Variants in LRP5 observed in about 807,000 individuals in gnomAD.
LRP5 encodes the protein low-density lipoprotein receptor-related protein 5.
Under a neutral mutation model 154.1 loss-of-function variants are expected in LRP5, and 62 were observed. That is an observed-to-expected ratio of 0.40 (90% CI 0.33 to 0.50). The LOEUF (loss-of-function observed/expected upper bound fraction) is 0.50, where lower values mean the gene tolerates loss of function less well. Ranked by LOEUF, LRP5 falls within the 20% of genes least tolerant of loss-of-function variation. The pLI is 0.55. For missense variants in LRP5, 1,915 were observed against 2,336.7 expected (o/e 0.82, Z 3.72); for synonymous variants, 966 against 1,011.5 (o/e 0.96, Z 0.85).
intron 13 of LRP5, among the ~76,000 whole-genome samples, chr11:68,422,851 A>C (rs1251993825): frequency 1.1e-3 from 34 of 29,776 alleles, no homozygotes; most frequent in Non-Finnish European, 1.2e-3. Flanking sequence ...CACCTCCCCC[A>C]CTCACCCGCC....
At chr11:68,363,647 A>T in intron 3 of LRP5, 100 bp from the exon 4 acceptor site, 519 of 771,330 alleles carry the variant, frequency 6.7e-4, no homozygotes, top group Non-Finnish European at 1.0e-3. Flanking sequence ...ACAGACCGAG[A>T]CTCCATCTCA....
the LRP5 span, among the ~76,000 whole-genome samples, chr11:68,304,352 G>C: frequency 3.3e-5 from 5 of 152,390 alleles, no homozygotes; most frequent in South Asian, 1.0e-3. Flanking sequence ...GGTGTGCAGA[G>C]TGCAAGAGTG....
intron 1 of LRP5, among the ~76,000 whole-genome samples, chr11:68,341,059 C>CTTGTTTTTTTTTTTTTTTTTT (rs2098608753): frequency 1.2e-5 from 1 of 83,494 alleles, no homozygotes; most frequent in African/African-American, 4.8e-5. Flanking sequence ...GGAGATTGTT[C>CTTGTTTTTTTTTTTTTTTTTT]TTTTTTTTTT....
At chr11:68,369,221 C>G (rs758986279) in intron 5 of LRP5, among the ~76,000 whole-genome samples, 1 of 152,092 alleles carries the variant, frequency 6.6e-6, no homozygotes, top group Non-Finnish European at 1.5e-5. Context: ...GTGTTTTTGC[C>G]ATTTCTGAGT....
At chr11:68,366,350 C>T (rs73513047) in intron 5 of LRP5, among the ~76,000 whole-genome samples, 3,711 of 152,054 alleles carry the variant, frequency 0.024, 144 homozygotes, top group African/African-American at 0.084. Context: ...GGCTTCCACA[C>T]TCAGGAACAG....
Position 68,413,984 on chromosome 11 carries a change from C to G in LRP5, c.2799C>G (p.Thr933=). The G allele has an allele frequency of 6.2e-7, 1 of 1,605,662 alleles. No homozygotes were observed. The highest frequency in any genetic ancestry group is 8.5e-7 in the Non-Finnish European group (1 of 1,179,880). ...GCTGCGGCTGCGCCTCACACTACAC[C>G]CTGGACCCCAGCAGCCGCAACTGCA... ...GHRCGCASHY[T]LDPSSRNCSP... The change falls in exon 12 of 23, where the codon ACC becomes ACG. Residue 933 remains threonine, a synonymous_variant. Coordinates refer to ENST00000294304, the MANE Select transcript of LRP5 (RefSeq NM_002335.4). The surrounding 1 kb of genome is among the most constrained non-coding windows in gnomAD (Gnocchi z 5.1).
chr11:68,372,428 C>T lies in LRP5; in HGVS notation c.1015+6726C>T, dbSNP rs1438740576. Among the ~76,000 whole-genome samples the T allele has an allele frequency of 2.2e-4, 31 of 140,600 alleles. No individual in the cohort carries two copies. The South Asian group carries it at 4.4e-3, about 20-fold the overall frequency. The allele number at this position is 140,600 out of a possible 152,430, so 92.2% of individuals were successfully genotyped here. ...GTGTCAGGCAGACCCGGGACCGTGG[C>T]GGCGAGGAGGTGCAGCGTCAGGCGG... On this transcript the variant is annotated intron_variant, in intron 5 of 22. Transcript: ENST00000294304.
chr11:68,383,017 A>G (rs1356647086), intron 5 of LRP5, among the ~76,000 whole-genome samples: 2 of 151,920 alleles, frequency 1.3e-5, no homozygotes, highest in Non-Finnish European at 2.9e-5. Flanking sequence ...AGCTGGAATT[A>G]CAGGAGTGCG....
At chr11:68,376,838 A>G (rs2098637625) in intron 5 of LRP5, among the ~76,000 whole-genome samples, 1 of 152,172 alleles carries the variant, frequency 6.6e-6, no homozygotes, top group South Asian at 2.1e-4. Context: ...TAAGTCACCA[A>G]CTGTTTTATA....
chr11:68,411,152 C>T, intron 10 of LRP5, among the ~76,000 whole-genome samples: 1 of 152,188 alleles, frequency 6.6e-6, no homozygotes, highest in Admixed American at 6.5e-5. Flanking sequence ...AGCACACACT[C>T]ACCCTGTCTG....
intron 5 of LRP5, among the ~76,000 whole-genome samples, chr11:68,379,951 G>T (rs1460137893): frequency 1.3e-5 from 2 of 152,354 alleles, no homozygotes; most frequent in Admixed American, 1.3e-4. Flanking sequence ...GGCCAACATG[G>T]TGAAACCCCG....
At chr11:68,426,423 CTT>C (rs58093101) in intron 16 of LRP5, among the ~76,000 whole-genome samples, 37 of 130,356 alleles carry the variant, frequency 2.8e-4, no homozygotes, top group East Asian at 4.4e-4. Context: ...AACACCAACT[CTT>C]TTTTTTTTTT....
intron 11 of LRP5, chr11:68,412,992 G>A (rs993735865): frequency 1.3e-4 from 24 of 178,876 alleles, no homozygotes; most frequent in Admixed American, 4.3e-4. Context: ...GTTGAACCCC[G>A]TGTCCTGGTT....
intron 1 of LRP5, among the ~76,000 whole-genome samples, chr11:68,320,554 C>CGGA (rs560582354): frequency 5.5e-4 from 84 of 151,938 alleles, no homozygotes; most frequent in African/African-American, 2.0e-3. Flanking sequence ...CTCTGCCTCC[C>CGGA]GGGTTCCAGC....
the LRP5 span, among the ~76,000 whole-genome samples, chr11:68,301,661 C>T: frequency 6.2e-5 from 9 of 144,152 alleles, no homozygotes; most frequent in Admixed American, 6.3e-4. Flanking sequence ...TTCACTCTGT[C>T]GCCCAGGCTG....
rs80358313 is a variant in LRP5 at position 68,406,550 on chromosome 11, G to C, written c.1828G>C (p.Gly610Arg). 9 of 1,613,960 alleles carry C rather than the reference G, an allele frequency of 5.6e-6. No homozygotes were observed. The highest frequency in any genetic ancestry group is 2.2e-5 in the South Asian group (2 of 91,080). Reference protein sequence around the residue: ...VGTNPCADRNGGCSHLCFFTP... With the variant: ...VGTNPCADRNRGCSHLCFFTP... ...AACCAACCCGTGTGCGGACAGGAAC[G>C]GGGGGTGCAGCCACCTGTGCTTCTT... Residue 610 changes from glycine to arginine, a missense_variant, in exon 9 of 23, where the codon GGG (glycine) becomes CGG (arginine). By Grantham distance (125) the Gly-to-Arg change is moderately radical. Coordinates refer to ENST00000294304, the MANE Select transcript of LRP5 (RefSeq NM_002335.4).
At chr11:68,355,909 G>T (rs1418226272) in intron 2 of LRP5, among the ~76,000 whole-genome samples, 1 of 151,724 alleles carries the variant, frequency 6.6e-6, no homozygotes, top group African/African-American at 2.4e-5. Flanking sequence ...GTGTGATCTT[G>T]GCTCACTGCA....
At chr11:68,436,156 A>G (rs964396704) in intron 18 of LRP5, among the ~76,000 whole-genome samples, 6 of 152,290 alleles carry the variant, frequency 3.9e-5, no homozygotes, top group Admixed American at 2.6e-4. Context: ...TTCTGGCTGC[A>G]TGCTCTGTTC....
chr11:68,363,968 G>A (rs1330551815), intron 4 of LRP5, 25 bp downstream of exon 4: 24 of 1,507,746 alleles, frequency 1.6e-5, no homozygotes, highest in Non-Finnish European at 2.0e-5. Context: ...GGGCGCGGGG[G>A]CGAGGGTGCG....
Sources: gnomAD v4.1 joint callset for allele counts (sites outside exome capture counted in the v4.1 genomes callset) on GRCh38, gnomAD v4.1.1 for gene constraint, Gnocchi (gnomAD v3.1) non-coding constraint, MANE v1.5 for transcripts, NCBI Gene and HGNC (gene_info 2026-07-23, HGNC 2026-07-21) for gene names.